C2orf76: variants seen among roughly 807,000 people sequenced by gnomAD.
C2orf76 encodes UPF0538 protein C2orf76.
In C2orf76, 23 loss-of-function variants were observed where a neutral mutation model predicts 16.9. That is an observed-to-expected ratio of 1.36 (90% CI 0.98 to 1.93). C2orf76 has a LOEUF of 1.93. Among genes scored for constraint, C2orf76 ranks in the 30% most tolerant of loss-of-function variants. The pLI is 0.00. For missense variants in C2orf76, 152 were observed against 152.6 expected (o/e 1.00, Z 0.02); for synonymous variants, 48 against 52.3 (o/e 0.92, Z 0.35).
intron 1 of C2orf76, among the ~76,000 whole-genome samples, chr2:119,347,410 T>C (rs1320359859): frequency 6.6e-6 from 1 of 152,228 alleles, no homozygotes; most frequent in Admixed American, 6.5e-5. Flanking sequence ...ATTTGTATAA[T>C]ATTAGATGAT....
the C2orf76 span, among the ~76,000 whole-genome samples, chr2:119,286,936 C>T: frequency 1.3e-5 from 2 of 152,146 alleles, no homozygotes; most frequent in African/African-American, 4.8e-5. Flanking sequence ...TCACTTGCTC[C>T]AGCTATGGAC....
chr2:119,359,746 T>C (rs1216805502), intron 1 of C2orf76, among the ~76,000 whole-genome samples: 1 of 152,210 alleles, frequency 6.6e-6, no homozygotes, highest in Non-Finnish European at 1.5e-5. Context: ...AGTTACTTCT[T>C]ATGAATGAGC....
intron 3 of C2orf76, 44 bp from the exon 4 acceptor site, chr2:119,317,547 A>G (rs1437048709): frequency 2.0e-6 from 3 of 1,517,298 alleles, no homozygotes; most frequent in Non-Finnish European, 2.7e-6. Flanking sequence ...GTTTATTCTA[A>G]ACTTCTTTTC....
chr2:119,362,981 G>A (rs572547183), intron 1 of C2orf76, among the ~76,000 whole-genome samples: 50 of 152,088 alleles, frequency 3.3e-4, no homozygotes, highest in South Asian at 6.2e-4. Flanking sequence ...CAGCTGCCAG[G>A]CCTCCTCTCA....
chr2:119,343,302 T>C (rs1041178652), intron 1 of C2orf76, among the ~76,000 whole-genome samples: 14 of 152,288 alleles, frequency 9.2e-5, no homozygotes, highest in African/African-American at 3.4e-4. Context: ...ATTTAAAATA[T>C]ACTGAAGTAT....
downstream of C2orf76, among the ~76,000 whole-genome samples, chr2:119,298,838 G>T (rs928177473): frequency 1.1e-4 from 16 of 152,018 alleles, no homozygotes; most frequent in Middle Eastern, 3.2e-3. Context: ...TGAATGTTTT[G>T]CCTACTCCTT....
intron 5 of C2orf76, among the ~76,000 whole-genome samples, chr2:119,304,048 G>A (rs554712791): frequency 1.3e-5 from 2 of 152,272 alleles, no homozygotes; most frequent in East Asian, 3.9e-4. Flanking sequence ...GTGGGAAAAA[G>A]AAAATCAAGA....
intron 5 of C2orf76, among the ~76,000 whole-genome samples, chr2:119,309,677 T>A (rs1456634138): frequency 6.6e-6 from 1 of 152,138 alleles, no homozygotes; most frequent in Admixed American, 6.5e-5. Context: ...CGCCTTAGCC[T>A]CCCAAAGTGC....
chr2:119,331,786 T>C (rs1679684843), intron 2 of C2orf76, among the ~76,000 whole-genome samples: 1 of 152,228 alleles, frequency 6.6e-6, no homozygotes, highest in Non-Finnish European at 1.5e-5. Flanking sequence ...AGAGCAAGCC[T>C]GGTACCCTGG....
intron 5 of C2orf76, among the ~76,000 whole-genome samples, chr2:119,310,089 T>C (rs577374660): frequency 6.6e-6 from 1 of 152,380 alleles, no homozygotes; most frequent in East Asian, 1.9e-4. Context: ...ATTTGAAATG[T>C]CAACTTTATC....
chr2:119,323,330 GT>G (rs966862060), intron 2 of C2orf76, among the ~76,000 whole-genome samples: 3 of 151,994 alleles, frequency 2.0e-5, no homozygotes, highest in African/African-American at 4.8e-5. Flanking sequence ...GGAAATGTGG[GT>G]TTTTTTAAAA....
intron 1 of C2orf76, among the ~76,000 whole-genome samples, chr2:119,358,563 G>C (rs985620435): frequency 2.8e-5 from 4 of 143,818 alleles, no homozygotes; most frequent in African/African-American, 1.1e-4. Flanking sequence ...GGGTGACAGA[G>C]GGAGACTCTG....
intron 2 of C2orf76, among the ~76,000 whole-genome samples, chr2:119,335,097 T>A (rs1024239889): frequency 6.6e-6 from 1 of 152,116 alleles, no homozygotes; most frequent in Non-Finnish European, 1.5e-5. Context: ...GATGGAAAGA[T>A]CAGTAAGAAC....
At chr2:119,303,564 G>A (rs902056007) in intron 5 of C2orf76, among the ~76,000 whole-genome samples, 18 of 152,126 alleles carry the variant, frequency 1.2e-4, no homozygotes, top group Non-Finnish European at 2.2e-4. Flanking sequence ...AGCATAATAA[G>A]AAAGGGTGCC....
intron 2 of C2orf76, among the ~76,000 whole-genome samples, chr2:119,334,379 CAAAAAAAAAAAAAAAA>C (rs34753333): frequency 1.8e-4 from 13 of 71,628 alleles, no homozygotes; most frequent in African/African-American, 7.3e-4. Flanking sequence ...GTATGCAAAG[CAAAAAAAAAAAAAAAA>C]AAAAAAAAAG....
intron 1 of C2orf76, chr2:119,366,356 C>G: frequency 2.2e-6 from 1 of 462,546 alleles, no homozygotes; most frequent in Non-Finnish European, 4.5e-6. Flanking sequence ...CTTTAACGCA[C>G]CAGATGGAGA....
intron 1 of C2orf76, among the ~76,000 whole-genome samples, chr2:119,365,119 T>G (rs1370944056): frequency 6.6e-6 from 1 of 151,950 alleles, no homozygotes; most frequent in Non-Finnish European, 1.5e-5. Context: ...ACTAAAAAAC[T>G]AAAAGCAACT....
chr2:119,345,799 C>T lies in C2orf76; in HGVS notation c.-12-5828G>A, dbSNP rs550777781. Among the ~76,000 whole-genome samples, 10 of 152,248 alleles carry T rather than the reference C, an allele frequency of 6.6e-5. No individual in the cohort carries two copies. In the South Asian group the frequency reaches 1.5e-3, roughly 22 times the overall value. On this transcript the variant is annotated intron_variant, in intron 1 of 5. Transcript: ENST00000334816. ...AATTTTGGCCAGGTGCGGTGGCTCA[C>T]GCCTGTAATCCCAGCACTTTGGGAG...
intron 1 of C2orf76, among the ~76,000 whole-genome samples, chr2:119,356,396 CAAAAAAA>C (rs34898813): frequency 1.0e-5 from 1 of 95,644 alleles, no homozygotes. Context: ...GACTCTGTCT[CAAAAAAA>C]AAAAAAAAAG....
Sources: allele counts gnomAD v4.1 joint callset (sites outside exome capture counted in the v4.1 genomes callset), GRCh38; gene constraint gnomAD v4.1.1; transcripts MANE v1.5; gene names NCBI Gene and HGNC (gene_info 2026-07-23, HGNC 2026-07-21).